SOX5: variants seen among roughly 807,000 people sequenced by gnomAD.
SOX5 encodes the protein SRY-box transcription factor 5, also known as transcription factor SOX-5.
In SOX5, 9 loss-of-function variants were observed where a neutral mutation model predicts 92.0. That is an observed-to-expected ratio of 0.10 (90% CI 0.06 to 0.17). The LOEUF (loss-of-function observed/expected upper bound fraction) is 0.17. Ranked by LOEUF, SOX5 falls within the 10% of genes least tolerant of loss-of-function variation. The pLI, the probability that SOX5 is intolerant of heterozygous loss-of-function variation, is 1.00. For missense variants in SOX5, 642 were observed against 944.5 expected, an observed-to-expected ratio of 0.68 and a Z score of 4.20; for synonymous variants, 344 against 336.3, an observed-to-expected ratio of 1.02 and a Z score of -0.25.
chr12:24,271,488 G>C (rs1943726871), intron 3 of SOX5, among the ~76,000 whole-genome samples: 1 of 151,890 alleles, frequency 6.6e-6, no homozygotes, highest in African/African-American at 2.4e-5. Context: ...CTCTTTTTAT[G>C]GCGTTTTCTG....
chr12:24,322,833 ATGTTGT>A (rs35485434), intron 2 of SOX5, among the ~76,000 whole-genome samples: 5 of 151,974 alleles, frequency 3.3e-5, no homozygotes, highest in Admixed American at 6.5e-5. Context: ...GTATCAAATA[ATGTTGT>A]TGTTGTTTTT....
intron 6 of SOX5, among the ~76,000 whole-genome samples, chr12:23,682,161 A>G (rs976567061): frequency 6.6e-6 from 1 of 151,850 alleles, no homozygotes; most frequent in African/African-American, 2.4e-5. Context: ...AACATTTATA[A>G]AAATTGTTCA....
intron 2 of SOX5, among the ~76,000 whole-genome samples, chr12:24,327,513 T>C (rs1450074349): frequency 2.0e-5 from 3 of 148,884 alleles, no homozygotes; most frequent in East Asian, 4.0e-4. Context: ...CCTCCCAGGT[T>C]CAAGCAATTG....
intron 6 of SOX5, among the ~76,000 whole-genome samples, chr12:23,689,575 T>C (rs1324069018): frequency 1.3e-5 from 2 of 152,196 alleles, no homozygotes; most frequent in Admixed American, 1.3e-4. Flanking sequence ...TATGCTTTTA[T>C]TGTCAGATTA....
At chr12:23,988,738 T>G (rs1950281110) in intron 4 of SOX5, among the ~76,000 whole-genome samples, 1 of 152,108 alleles carries the variant, frequency 6.6e-6, no homozygotes, top group Admixed American at 6.6e-5. Context: ...GAAGTGATAC[T>G]CAAATGGGTT....
intron 2 of SOX5, among the ~76,000 whole-genome samples, chr12:24,343,677 C>A (rs1287007599): frequency 6.6e-6 from 1 of 151,940 alleles, no homozygotes; most frequent in Non-Finnish European, 1.5e-5. Context: ...AGTATAGGTA[C>A]ATAGCACATA....
intron 4 of SOX5, among the ~76,000 whole-genome samples, chr12:24,008,374 T>C (rs1952550948): frequency 6.6e-6 from 1 of 152,122 alleles, no homozygotes; most frequent in Non-Finnish European, 1.5e-5. Context: ...GCTGGAAATA[T>C]GTAAATGAAG....
Position 24,300,627 on chromosome 12 carries a change from T to C in SOX5, c.-173-23315A>G, listed in dbSNP as rs1947839930. ...TCTGTTACTCTCTCCCCACAACTTC[T>C]TTCTTCCAGGAAGCCATCCAGTAAT... is the stretch of plus-strand genomic sequence containing the variant. On this transcript the variant is annotated intron_variant, in intron 2 of 4. Coordinates refer to the SOX5 transcript ENST00000446891. 2.0e-5 allele frequency among the ~76,000 whole-genome samples: 3 copies of C among 152,192 alleles called. No individual in the cohort carries two copies. The South Asian group carries it at 6.2e-4, about 31-fold the overall frequency.
chr12:24,184,782 C>T (rs954743545), intron 4 of SOX5, among the ~76,000 whole-genome samples: 3 of 152,034 alleles, frequency 2.0e-5, no homozygotes, highest in Non-Finnish European at 4.4e-5. Context: ...TGTACTCATT[C>T]TTTACAGGTC....
chr12:24,283,385 T>C (rs1945451270), intron 2 of SOX5, among the ~76,000 whole-genome samples: 2 of 152,278 alleles, frequency 1.3e-5, no homozygotes, highest in South Asian at 4.1e-4. Context: ...CTCCCAGCAA[T>C]ATTTTCCTCC....
chr12:23,556,371 C>A (rs1303350572), intron 11 of SOX5, among the ~76,000 whole-genome samples: 2 of 151,898 alleles, frequency 1.3e-5, no homozygotes, highest in African/African-American at 2.4e-5. Flanking sequence ...ATTAAAGTCA[C>A]CAAATAAATA....
At chr12:24,326,791 T>TACACACACACACACAC (rs10527019) in intron 2 of SOX5, among the ~76,000 whole-genome samples, 12,388 of 148,744 alleles carry the variant, frequency 0.083, 649 homozygotes, top group South Asian at 0.15. Flanking sequence ...TACACACACA[T>TACACACACACACACAC]ACACACACAC....
rs1305552417 is a variant in SOX5, at chr12:23,531,199, C to G, written c.*3020G>C. The G allele has an allele frequency of 6.6e-6, 1 of 152,124 alleles. No individual in the cohort carries two copies. Among genetic ancestry groups the G allele is most frequent in the Non-Finnish European group, 1.5e-5 (1 of 68,020 alleles). 9.4% of individuals were successfully genotyped at this position (152,124 alleles called of 1,614,324 possible). A position where few individuals can be genotyped will look rare whatever the true frequency, so the allele number is the denominator to read the frequency against. On this transcript the variant is annotated 3_prime_UTR_variant, in exon 15 of 15. Coordinates refer to ENST00000451604, the MANE Select transcript of SOX5 (RefSeq NM_006940.6). ...ATGTCCAGTGAATTAACCGTCAGAACAAGAGAACAGAATGCAGCGGTATGA... is the reference window on the plus strand; with the variant it reads ...ATGTCCAGTGAATTAACCGTCAGAAGAAGAGAACAGAATGCAGCGGTATGA...
chr12:23,686,972 T>A (rs1225904295), intron 6 of SOX5, among the ~76,000 whole-genome samples: 1 of 152,088 alleles, frequency 6.6e-6, no homozygotes, highest in Non-Finnish European at 1.5e-5. Flanking sequence ...TCTGGTGTGG[T>A]GTAGTGTCAA....
intron 1 of SOX5, among the ~76,000 whole-genome samples, chr12:24,382,415 G>T (rs998853391): frequency 1.3e-5 from 2 of 151,988 alleles, no homozygotes; most frequent in African/African-American, 4.8e-5. Flanking sequence ...GAAAATGGCG[G>T]AAGGGGAAGT....
At chr12:23,682,489 G>C (rs1166958807) in intron 6 of SOX5, among the ~76,000 whole-genome samples, 3 of 151,742 alleles carry the variant, frequency 2.0e-5, no homozygotes, top group Non-Finnish European at 3.0e-5. Context: ...AAATTGCTGT[G>C]TTTGTTCTCA....
In SOX5 at chr12:23,665,454, C is replaced by T. The variant is rs758477408; in HGVS notation, c.921G>A (p.Lys307=). 10 of 1,613,540 alleles carry T rather than the reference C, an allele frequency of 6.2e-6. No individual in the cohort carries two copies. In the South Asian group the frequency reaches 8.8e-5, roughly 14 times the overall value. ...GFLLPPGFSY[K]AGCSDPYPVQ... Reference sequence around the variant, plus strand: ...ATCAACAGTACTTACTACATCCAGCCTTATAGCTGAAGCCTGGAGGGAGGA... The same window carrying T: ...ATCAACAGTACTTACTACATCCAGCTTTATAGCTGAAGCCTGGAGGGAGGA... Residue 307 remains lysine (K), a synonymous_variant, in exon 7 of 15, where the codon AAG becomes AAA. Coordinates refer to ENST00000451604, the MANE Select transcript of SOX5 (RefSeq NM_006940.6).
intron 4 of SOX5, among the ~76,000 whole-genome samples, chr12:24,068,507 A>G (rs981678020): frequency 1.1e-4 from 17 of 151,746 alleles, no homozygotes; most frequent in African/African-American, 1.7e-4. Context: ...ATCTTAGAAA[A>G]CTTGTGATGT....
At chr12:24,391,676 T>A (rs991047817) in intron 1 of SOX5, among the ~76,000 whole-genome samples, 1 of 152,194 alleles carries the variant, frequency 6.6e-6, no homozygotes, top group East Asian at 1.9e-4. Context: ...AGGATGGCTC[T>A]ATTAAAAGAA....
Sources: allele counts gnomAD v4.1 joint callset (sites outside exome capture counted in the v4.1 genomes callset), GRCh38; gene constraint gnomAD v4.1.1; transcripts MANE v1.5; gene names NCBI Gene and HGNC (gene_info 2026-07-23, HGNC 2026-07-21).